The following CDC42BPB variants were observed in gnomAD, a reference collection of about 807,000 sequenced individuals.
CDC42BPB encodes the protein serine/threonine-protein kinase MRCK beta.
CDC42BPB carries 37 observed loss-of-function variants against 214.9 expected under a neutral mutation model. The observed-to-expected ratio is 0.17, with a 90% CI of 0.13 to 0.23. CDC42BPB has a LOEUF of 0.23. CDC42BPB is among the 10% of genes least tolerant of loss of function. The pLI is 1.00. For synonymous variants in CDC42BPB, 931 were observed against 884.0 expected, an observed-to-expected ratio of 1.05 and a Z score of -0.94; for missense variants, 1,694 against 2,227.0, an observed-to-expected ratio of 0.76 and a Z score of 4.82.
chr14:102,987,788 AAC>A (rs57579935), intron 5 of CDC42BPB, among the ~76,000 whole-genome samples: 4,925 of 140,772 alleles, frequency 0.035, 222 homozygotes, highest in African/African-American at 0.11. Flanking sequence ...CAAACACACA[AAC>A]ACACACACAC....
chr14:102,973,143 C>T (rs967949615), intron 12 of CDC42BPB, among the ~76,000 whole-genome samples: 19 of 152,332 alleles, frequency 1.2e-4, no homozygotes, highest in Admixed American at 4.6e-4. Flanking sequence ...AGCTCCCACA[C>T]GTGAAGGGGA....
intron 19 of CDC42BPB, among the ~76,000 whole-genome samples, chr14:102,963,793 A>T (rs1197871329): frequency 6.6e-6 from 1 of 152,232 alleles, no homozygotes; most frequent in Admixed American, 6.5e-5. Context: ...TTCCCAGTAT[A>T]AAGAAAGTCA....
At position 103,004,046 on chromosome 14, in the gene CDC42BPB, A is replaced by G; in HGVS notation, c.352-23T>C. ...GGTCTGCAAAGCAACGAGGGGTGTCAGTCTGTGTTCACTGGGAAGCAGGCC... is the reference window on the plus strand; with the variant it reads ...GGTCTGCAAAGCAACGAGGGGTGTCGGTCTGTGTTCACTGGGAAGCAGGCC... On this transcript the variant is annotated intron_variant, in intron 3 of 36. Transcript: ENST00000361246. This position sits in a 1 kb window ranked among gnomAD's most constrained non-coding sequence, Gnocchi z 5.3. 6.3e-7 allele frequency: 1 copy of G among 1,580,588 alleles called. No individual in the cohort carries two copies. The highest frequency in any genetic ancestry group is 1.1e-5 in the South Asian group (1 of 88,430).
chr14:103,038,948 C>G (rs1279314724), intron 1 of CDC42BPB, among the ~76,000 whole-genome samples: 1 of 152,032 alleles, frequency 6.6e-6, no homozygotes, highest in African/African-American at 2.4e-5. Context: ...AGAAGGGACA[C>G]TACTGACATT....
chr14:103,017,048 G>T (rs1246139488), intron 1 of CDC42BPB, among the ~76,000 whole-genome samples: 1 of 152,200 alleles, frequency 6.6e-6, no homozygotes, highest in African/African-American at 2.4e-5. Flanking sequence ...AGGGCTGGGT[G>T]CGGTGGCTCA....
chr14:103,053,572 T>G (rs371071870), intron 1 of CDC42BPB, among the ~76,000 whole-genome samples: 2 of 151,004 alleles, frequency 1.3e-5, no homozygotes, highest in East Asian at 2.0e-4. Flanking sequence ...CCATCCTGGC[T>G]AACACGGTGA....
At chr14:102,947,865 CGCCCT>C (rs879720441) in intron 26 of CDC42BPB, 63 bp from the exon 27 acceptor site, 206 of 1,597,550 alleles carry the variant, frequency 1.3e-4, no homozygotes, top group South Asian at 1.8e-4. Flanking sequence ...GGCCCTCCCA[CGCCCT>C]GCCCTGCCCT....
intron 26 of CDC42BPB, 139 bp downstream of exon 26, chr14:102,949,626 C>T: frequency 9.2e-7 from 1 of 1,089,202 alleles, no homozygotes; most frequent in Non-Finnish European, 1.3e-6. Flanking sequence ...CTAAGCTGTA[C>T]CCATTTTTGC....
chr14:103,053,330 G>A (rs1400191450), intron 1 of CDC42BPB, among the ~76,000 whole-genome samples: 1 of 151,788 alleles, frequency 6.6e-6, no homozygotes, highest in East Asian at 1.9e-4. Context: ...CTGGGCAACA[G>A]AGTGAGACTC....
chr14:102,962,364 G>A (rs1018598600), intron 20 of CDC42BPB, among the ~76,000 whole-genome samples: 2 of 152,168 alleles, frequency 1.3e-5, no homozygotes, highest in South Asian at 2.1e-4. Context: ...AGCCACTCCT[G>A]GCAGCACTTT....
Position 102,967,092 on chromosome 14 carries a change from CCTT to C in CDC42BPB, c.2422_2424del (p.Lys808del), listed in dbSNP as rs752868752. On this transcript the variant is annotated inframe_deletion, in exon 17 of 37. Coordinates refer to ENST00000361246, the MANE Select transcript of CDC42BPB (RefSeq NM_006035.4). ...TGAGCTTCCCAGTGGGCCACTGACT[CCTT>C]CTTGGCTGCCAGATCCTGCAGCTCA... 1.9e-6 allele frequency: 3 copies of C among 1,614,224 alleles called. No homozygotes were observed. The highest frequency in any genetic ancestry group is 2.5e-6 in the Non-Finnish European group (3 of 1,180,024).
intron 12 of CDC42BPB, 129 bp from the exon 13 acceptor site, chr14:102,972,290 A>T (rs1893510590): frequency 6.6e-7 from 1 of 1,508,180 alleles, no homozygotes; most frequent in Non-Finnish European, 8.8e-7. Flanking sequence ...AGAGCCACAG[A>T]TCTGAGCTGC....
chr14:102,943,928 C>T lies in CDC42BPB; in HGVS notation c.4371G>A (p.Ala1457=), dbSNP rs541329650. 26 of 1,612,188 alleles carry T rather than the reference C, an allele frequency of 1.6e-5. No individual in the cohort carries two copies. Among genetic ancestry groups the T allele is most frequent in the South Asian group, 5.5e-5 (5 of 91,062 alleles). Residue 1457 remains alanine (A), a synonymous_variant, in exon 30 of 37, where the codon GCG becomes GCA. Coordinates refer to ENST00000361246, the MANE Select transcript of CDC42BPB (RefSeq NM_006035.4). The surrounding 1 kb of genome is among the most constrained non-coding windows in gnomAD (Gnocchi z 4.6). ...YVDPQGRRAR[A]QELMWPAAPV... is the part of the protein sequence containing the mutation. ...GAGCCGCAGGCCACATGAGCTCCTGCGCGCGTGCCCTCCGGCCTTGCGGGT... is the reference window on the plus strand; with the variant it reads ...GAGCCGCAGGCCACATGAGCTCCTGTGCGCGTGCCCTCCGGCCTTGCGGGT...
In CDC42BPB at chr14:102,988,793, G is replaced by T. The variant is rs78103014; in HGVS notation, c.597-2213C>A. Reference sequence around the variant, plus strand: ...AAGAATAAACCTGAAATGGACCCAAGATCCACATGGAACAGATGAACCTAT... The same window carrying T: ...AAGAATAAACCTGAAATGGACCCAATATCCACATGGAACAGATGAACCTAT... On this transcript the variant is annotated intron_variant, in intron 5 of 36. Coordinates refer to ENST00000361246, the MANE Select transcript of CDC42BPB (RefSeq NM_006035.4). Among the ~76,000 whole-genome samples the T allele has an allele frequency of 3.3e-3, 473 of 145,272 alleles. 1 individual carries two copies. The highest frequency in any genetic ancestry group is 0.012 in the African/African-American group (452 of 39,192).
At chr14:103,010,516 C>T (rs1371234068) in intron 2 of CDC42BPB, among the ~76,000 whole-genome samples, 3 of 152,336 alleles carry the variant, frequency 2.0e-5, no homozygotes, top group Non-Finnish European at 2.9e-5. Context: ...CCTTCTTTCA[C>T]GTCTGCACAC....
chr14:103,035,355 C>G (rs923704627), intron 1 of CDC42BPB, among the ~76,000 whole-genome samples: 6 of 152,172 alleles, frequency 3.9e-5, no homozygotes, highest in African/African-American at 1.4e-4. Context: ...CCGCGCCCAG[C>G]TCAAGTGGTT....
At chr14:103,010,693 T>C (rs1886104923) in intron 2 of CDC42BPB, among the ~76,000 whole-genome samples, 1 of 152,186 alleles carries the variant, frequency 6.6e-6, no homozygotes, top group Middle Eastern at 3.2e-3. Context: ...CAAGGAGAGC[T>C]TAGATCAAAC....
chr14:102,945,143 C>T (rs900840114), intron 29 of CDC42BPB: 5 of 427,654 alleles, frequency 1.2e-5, no homozygotes, highest in Non-Finnish European at 2.4e-5. Flanking sequence ...TGCAGAGATG[C>T]TGGGTCTGTC....
rs963420041 is a variant in CDC42BPB at position 103,057,271 on chromosome 14, G to A, written c.-98C>T. 209 of 1,146,156 alleles carry A rather than the reference G, an allele frequency of 1.8e-4. 1 individual carries two copies. In the Middle Eastern group the frequency reaches 2.5e-3, roughly 14 times the overall value. 71.0% of individuals were successfully genotyped at this position (1,146,156 alleles called of 1,614,324 possible). ...CGGGGGCTCGGCGGCTGCGAGCCCCGGCAGCAGCGGCGCCTCCTCGCCGCC... is the reference window on the plus strand; with the variant it reads ...CGGGGGCTCGGCGGCTGCGAGCCCCAGCAGCAGCGGCGCCTCCTCGCCGCC... On this transcript the variant is annotated 5_prime_UTR_variant, in exon 1 of 37. Transcript: ENST00000361246.
Sources: gnomAD v4.1 joint callset for allele counts (sites outside exome capture counted in the v4.1 genomes callset) on GRCh38, gnomAD v4.1.1 for gene constraint, Gnocchi (gnomAD v3.1) non-coding constraint, MANE v1.5 for transcripts, NCBI Gene and HGNC (gene_info 2026-07-23, HGNC 2026-07-21) for gene names.